The following COL27A1 variants were observed in gnomAD, a reference collection of about 807,000 sequenced individuals.
COL27A1 encodes the protein collagen type XXVII alpha 1 chain.
In COL27A1, 106 loss-of-function variants were observed where a neutral mutation model predicts 251.3. The ratio of observed to expected loss-of-function variants is 0.42; its 90% CI spans 0.36 to 0.50. The LOEUF (loss-of-function observed/expected upper bound fraction) is 0.50, where lower values mean the gene tolerates loss of function less well. COL27A1 is among the 20% of genes least tolerant of loss of function. The pLI is 0.00. For synonymous variants in COL27A1, 1,000 were observed against 986.3 expected, an observed-to-expected ratio of 1.01 and a Z score of -0.26; for missense variants, 2,325 against 2,522.8, an observed-to-expected ratio of 0.92 and a Z score of 1.68.
Position 114,197,885 on chromosome 9 carries a change from G to A in COL27A1, c.2124+1873G>A, listed in dbSNP as rs561293084. ...TACAGAGGGTGCTGGGCGAAGTGTC[G>A]GGGAGCTCAGGTCCCAAGGCAGAGA... On this transcript the variant is annotated intron_variant, in intron 7 of 60. Transcript: ENST00000356083. Among the ~76,000 whole-genome samples, 132 of 152,334 alleles carry A rather than the reference G, an allele frequency of 8.7e-4. 1 individual carries two copies. The highest frequency in any genetic ancestry group is 3.1e-3 in the African/African-American group (130 of 41,582).
chr9:114,167,555 T>C (rs557170306), intron 2 of COL27A1, 134 bp from the exon 3 acceptor site: 6 of 764,318 alleles, frequency 7.9e-6, no homozygotes, highest in African/African-American at 5.2e-5. Context: ...CGGTGTCATT[T>C]TTAGATGAAT....
At position 114,237,774 on chromosome 9, in the gene COL27A1, G is replaced by A. The variant is rs1832497857; in HGVS notation, c.2727+59G>A. ...CTGCTGGGACTCGGTCTTGTCCTTG[G>A]GAAACTGAGGCCCAGGGATGGGGAA... is the stretch of plus-strand genomic sequence containing the variant. On this transcript the variant is annotated intron_variant, in intron 19 of 60. Coordinates refer to ENST00000356083, the MANE Select transcript of COL27A1 (RefSeq NM_032888.4). The A allele has an allele frequency of 3.5e-6, 5 of 1,415,588 alleles. No homozygotes were observed. The South Asian group carries it at 4.6e-5, about 13-fold the overall frequency. 87.7% of individuals were successfully genotyped at this position (1,415,588 alleles called of 1,614,324 possible). A position where few individuals can be genotyped will look rare whatever the true frequency, so the allele number is the denominator to read the frequency against.
chr9:114,283,466 A>C (rs995700119), intron 39 of COL27A1, among the ~76,000 whole-genome samples: 23 of 152,136 alleles, frequency 1.5e-4, no homozygotes, highest in Non-Finnish European at 2.6e-4. Flanking sequence ...AAGTCCTGAA[A>C]ATTTAGCAAT....
chr9:114,307,021 C>G (rs1292696147), intron 58 of COL27A1: 1 of 285,338 alleles, frequency 3.5e-6, no homozygotes, highest in Admixed American at 4.9e-5. Flanking sequence ...GCTCTCTCAT[C>G]TGTGAGCTGA....
At position 114,263,666 on chromosome 9, in the gene COL27A1, G is replaced by A. The variant is rs534080996; in HGVS notation, c.3196-689G>A. Reference sequence around the variant, plus strand: ...CCATCTGTGCAGGGGGGATGGGGGTGGACTCCACCTGCCCCTGGGGTCTCC... The same window carrying A: ...CCATCTGTGCAGGGGGGATGGGGGTAGACTCCACCTGCCCCTGGGGTCTCC... On this transcript the variant is annotated intron_variant, in intron 28 of 60. Coordinates refer to ENST00000356083, the MANE Select transcript of COL27A1 (RefSeq NM_032888.4). Among the ~76,000 whole-genome samples, 6 of 152,236 alleles carry A rather than the reference G, an allele frequency of 3.9e-5. No homozygotes were observed. The South Asian group carries it at 1.2e-3, about 32-fold the overall frequency.
intron 54 of COL27A1, 80 bp downstream of exon 54, chr9:114,301,542 T>C (rs1828637391): frequency 6.4e-7 from 1 of 1,555,376 alleles, no homozygotes; most frequent in Middle Eastern, 2.4e-4. Context: ...GTACATTCTC[T>C]CCCTCCGGAC....
chr9:114,205,173 C>T (rs755136436), intron 8 of COL27A1, 27 bp downstream of exon 8: 1 of 1,607,516 alleles, frequency 6.2e-7, no homozygotes. Flanking sequence ...CAGCCCTGCC[C>T]TGGTCGCTCT....
At position 114,310,611 on chromosome 9, in the gene COL27A1, G is replaced by T; in HGVS notation, c.5499G>T (p.Leu1833=). 1 of 1,614,202 alleles carries T rather than the reference G, an allele frequency of 6.2e-7. No homozygotes were observed. The highest frequency in any genetic ancestry group is 8.5e-7 in the Non-Finnish European group (1 of 1,180,030). ...TCCGGACCCAAGACCCCCAACAGCT[G>T]CCCATCATCAGTGTGGACAACCTCC... ...FTFRTQDPQQ[L]PIISVDNLPP... Residue 1833 remains leucine (L), a synonymous_variant, in exon 61 of 61, where the codon CTG becomes CTT. Transcript: ENST00000356083.
chr9:114,186,316 G>T (rs983004225), intron 5 of COL27A1, among the ~76,000 whole-genome samples: 1 of 152,370 alleles, frequency 6.6e-6, no homozygotes, highest in East Asian at 1.9e-4. Flanking sequence ...GCTTAGAGCG[G>T]TGCTGACCCG....
At chr9:114,296,402 A>G (rs1313327046) in intron 49 of COL27A1, among the ~76,000 whole-genome samples, 1 of 152,256 alleles carries the variant, frequency 6.6e-6, no homozygotes, top group African/African-American at 2.4e-5. Flanking sequence ...GAAGATTTGA[A>G]TAGACACTTC....
intron 58 of COL27A1, 31 bp downstream of exon 58, chr9:114,306,719 G>C: frequency 6.2e-7 from 1 of 1,604,332 alleles, no homozygotes; most frequent in Non-Finnish European, 8.5e-7. Flanking sequence ...GGGTGGGTGC[G>C]CCTGGCGGTG....
At chr9:114,208,235 C>T (rs1564469831) in intron 10 of COL27A1, among the ~76,000 whole-genome samples, 1 of 152,054 alleles carries the variant, frequency 6.6e-6, no homozygotes, top group Non-Finnish European at 1.5e-5. Flanking sequence ...GCCAGGAGTT[C>T]GAGACCAGCC....
intron 7 of COL27A1, among the ~76,000 whole-genome samples, chr9:114,201,410 A>T (rs904928408): frequency 2.0e-5 from 3 of 152,160 alleles, no homozygotes; most frequent in African/African-American, 7.2e-5. Context: ...GCTGGTAAAC[A>T]TTGTTAAGAT....
intron 1 of COL27A1, among the ~76,000 whole-genome samples, chr9:114,162,282 C>A (rs116054491): frequency 0.038 from 5,805 of 152,244 alleles, 200 homozygotes; most frequent in East Asian, 0.13. Flanking sequence ...TGGCTGGGGT[C>A]TGGGGAAGGG....
At chr9:114,216,462 C>T (rs1830719202) in intron 12 of COL27A1, among the ~76,000 whole-genome samples, 1 of 152,320 alleles carries the variant, frequency 6.6e-6, no homozygotes, top group Non-Finnish European at 1.5e-5. Flanking sequence ...TCAGCAGCCG[C>T]CACCCTAAGA....
rs779308507 is a variant in COL27A1, at chr9:114,167,906, C to T, written c.351C>T (p.Val117=). The change falls in exon 3 of 61, where the codon GTC becomes GTT. Residue 117 remains valine (V), a synonymous_variant. Coordinates refer to ENST00000356083, the MANE Select transcript of COL27A1 (RefSeq NM_032888.4). ...TGAACCATGCCTTCCTCTTCGCTGT[C>T]CGCAGCCAGAAACGCAAGCTGCAGC... ...HRVNHAFLFA[V]RSQKRKLQLG... 6.2e-7 allele frequency: 1 copy of T among 1,612,774 alleles called. No homozygotes were observed. Among genetic ancestry groups the T allele is most frequent in the South Asian group, 1.1e-5 (1 of 91,068 alleles).
chr9:114,198,287 G>C (rs1311353959), intron 7 of COL27A1, among the ~76,000 whole-genome samples: 1 of 152,212 alleles, frequency 6.6e-6, no homozygotes, highest in African/African-American at 2.4e-5. Flanking sequence ...CATCCTTGTG[G>C]GGGTGTGGGG....
chr9:114,220,378 C>G (rs903569835), intron 13 of COL27A1, among the ~76,000 whole-genome samples: 3 of 152,208 alleles, frequency 2.0e-5, no homozygotes, highest in Middle Eastern at 3.2e-3. Flanking sequence ...CCCTTCCCAG[C>G]TCCAGGCCCT....
At position 114,190,704 on chromosome 9, in the gene COL27A1, G is replaced by C. The variant is rs1370100903; in HGVS notation, c.2017-3700G>C. Among the ~76,000 whole-genome samples the C allele has an allele frequency of 2.6e-5, 4 of 152,182 alleles. No individual in the cohort carries two copies. The South Asian group carries it at 8.3e-4, about 32-fold the overall frequency. ...TCACCATAGTTCCCATTCCTGCTAT[G>C]TTCTTGGCACTTAAGGCTCCCATCT... On this transcript the variant is annotated intron_variant, in intron 5 of 60. Coordinates refer to ENST00000356083, the MANE Select transcript of COL27A1 (RefSeq NM_032888.4).
Sources: gnomAD v4.1 joint callset for allele counts (sites outside exome capture counted in the v4.1 genomes callset) on GRCh38, gnomAD v4.1.1 for gene constraint, MANE v1.5 for transcripts, NCBI Gene and HGNC (gene_info 2026-07-23, HGNC 2026-07-21) for gene names.